BCOR: variants seen among roughly 807,000 people sequenced by gnomAD.
BCOR encodes BCL-6 corepressor.
Under a neutral mutation model 86.7 loss-of-function variants are expected in BCOR, and 10 were observed. The observed-to-expected ratio is 0.12, with a 90% CI of 0.07 to 0.20. The LOEUF is 0.20. BCOR is among the 10% of genes least tolerant of loss of function. BCOR has a pLI of 1.00. For synonymous variants in BCOR, 611 were observed against 609.0 expected (o/e 1.00, Z -0.05); for missense variants, 1,259 against 1,452.1 (o/e 0.87, Z 2.16).
intron 1 of BCOR, among the ~76,000 whole-genome samples, chrX:40,112,787 G>A (rs995543539): frequency 5.4e-5 from 6 of 111,247 alleles, no homozygotes; most frequent in Admixed American, 1.9e-4. Context: ...GCCTTGTAGC[G>A]GGTGCTAGGG....
At chrX:40,069,430 G>A (rs755381608) in intron 6 of BCOR, among the ~76,000 whole-genome samples, 12 of 112,008 alleles carry the variant, frequency 1.1e-4, no homozygotes, top group Admixed American at 1.9e-4. Context: ...ACATCATGTG[G>A]GGCTTGGGCC....
intron 1 of BCOR, among the ~76,000 whole-genome samples, chrX:40,172,405 T>TG (rs1218997768): frequency 2.0e-4 from 22 of 112,318 alleles, no homozygotes; most frequent in Non-Finnish European, 3.8e-4. Flanking sequence ...GCGCAGACCT[T>TG]GGGGGGAAAG....
rs958698142 is a variant in BCOR at position 40,074,627 on chromosome X, T to C, written c.719A>G (p.Asn240Ser). 8.3e-7 allele frequency: 1 copy of C among 1,211,965 alleles called. No individual in the cohort carries two copies. Among genetic ancestry groups the C allele is most frequent in the Non-Finnish European group, 1.1e-6 (1 of 895,503 alleles). Residue 240 changes from asparagine to serine, a missense_variant, in exon 4 of 15, where the codon AAT becomes AGT. Asn to Ser is a conservative substitution (Grantham distance 46). This residue lies in a region of BCOR where 6 missense variants were observed against 23.4 expected (regional missense o/e 0.26). Coordinates refer to ENST00000378444, the MANE Select transcript of BCOR (RefSeq NM_001123385.2). Reference sequence around the variant, plus strand: ...CGGCAGGTAGAGAAAGCGCTCCCCATTGGTGCAGACTGGAGAATACAGCGG... The same window carrying C: ...CGGCAGGTAGAGAAAGCGCTCCCCACTGGTGCAGACTGGAGAATACAGCGG... ...AQPLYSPVCT[N>S]GERFLYLPPP...
intron 1 of BCOR, among the ~76,000 whole-genome samples, chrX:40,086,635 C>T (rs1394959822): frequency 1.8e-5 from 2 of 113,887 alleles, no homozygotes; most frequent in Non-Finnish European, 3.7e-5. Flanking sequence ...CTCTGCAGCT[C>T]GTCCATGGGC....
upstream of BCOR, among the ~76,000 whole-genome samples, chrX:40,098,787 C>T (rs891621559): frequency 2.2e-4 from 25 of 111,903 alleles, no homozygotes; most frequent in Admixed American, 1.1e-3. Context: ...CCCCAGGCAA[C>T]GGTGGCCGTT....
chrX:40,174,384 G>A (rs181952685), intron 1 of BCOR, among the ~76,000 whole-genome samples: 8 of 112,038 alleles, frequency 7.1e-5, no homozygotes, highest in Non-Finnish European at 1.5e-4. Flanking sequence ...GAACAAACCC[G>A]CAGCCCTAAA....
intron 1 of BCOR, among the ~76,000 whole-genome samples, chrX:40,153,323 A>C (rs985621198): frequency 8.9e-6 from 1 of 112,610 alleles, no homozygotes; most frequent in Admixed American, 9.3e-5. Flanking sequence ...ACCCTCGCCC[A>C]AGGCCCGAGG....
In BCOR at chrX:40,074,811, G is replaced by C. The variant is rs921054345; in HGVS notation, c.535C>G (p.Leu179Val). The C allele has an allele frequency of 8.3e-7, 1 of 1,212,076 alleles. No individual in the cohort carries two copies. The highest frequency in any genetic ancestry group is 1.7e-5 in the African/African-American group (1 of 57,845). The change falls in exon 4 of 15, where the codon CTC becomes GTC. Residue 179 changes from leucine (L) to valine (V), a missense_variant. Physicochemically the swap from Leu to Val is conservative, Grantham distance 32. Around this residue, in one of 7 missense-constraint regions of BCOR, gnomAD observed 174 missense variants for 189.3 expected, o/e 0.92. Coordinates refer to ENST00000378444, the MANE Select transcript of BCOR (RefSeq NM_001123385.2). ...AGATAACTAGCACCATTGATGTTGA[G>C]AGGGCTCTGTTTGTCGCTGGCAGGC... Reference protein sequence around the residue: ...DRPASDKQSPLNINGASYLRL... With the variant: ...DRPASDKQSPVNINGASYLRL...
chrX:40,070,674 G>T (rs1935432494), intron 6 of BCOR, among the ~76,000 whole-genome samples: 1 of 111,820 alleles, frequency 8.9e-6, no homozygotes, highest in African/African-American at 3.3e-5. Flanking sequence ...GCAGGAGATG[G>T]CTGGGAAGTG....
chrX:40,055,763 G>A (rs1417877212), intron 11 of BCOR, among the ~76,000 whole-genome samples: 1 of 104,007 alleles, frequency 9.6e-6, no homozygotes, highest in African/African-American at 3.5e-5. Context: ...ACCCTTTACA[G>A]GGCAGATGAA....
chrX:40,090,175 T>C (rs1936536838), intron 1 of BCOR, among the ~76,000 whole-genome samples: 1 of 112,762 alleles, frequency 8.9e-6, no homozygotes, highest in Admixed American at 9.3e-5. Context: ...TTCCCGGCCC[T>C]GGACTGGTTA....
chrX:40,125,047 G>C (rs1937523786), intron 1 of BCOR, among the ~76,000 whole-genome samples: 1 of 109,544 alleles, frequency 9.1e-6, no homozygotes, highest in Non-Finnish European at 1.9e-5. Flanking sequence ...TTGGGGAGGA[G>C]GGCATAAAAG....
intron 1 of BCOR, among the ~76,000 whole-genome samples, chrX:40,147,943 G>C (rs1424639842): frequency 3.6e-5 from 4 of 111,908 alleles, no homozygotes; most frequent in African/African-American, 1.3e-4. Context: ...GGCCCCTCTG[G>C]TTTCCGCCCC....
chrX:40,123,968 C>T (rs1937517853), intron 1 of BCOR, among the ~76,000 whole-genome samples: 1 of 111,389 alleles, frequency 9.0e-6, no homozygotes, highest in Non-Finnish European at 1.9e-5. Context: ...GAGAAAGGGC[C>T]ACCATGTAAT....
At chrX:40,167,313 C>T (rs1006357880) in intron 1 of BCOR, among the ~76,000 whole-genome samples, 1 of 111,950 alleles carries the variant, frequency 8.9e-6, no homozygotes, top group Non-Finnish European at 1.9e-5. Context: ...ACAACCATGC[C>T]GAATTAAGGG....
intron 1 of BCOR, among the ~76,000 whole-genome samples, chrX:40,082,781 T>C (rs1024211099): frequency 2.7e-5 from 3 of 111,962 alleles, no homozygotes; most frequent in African/African-American, 9.8e-5. Context: ...GAGTTTTGCC[T>C]GGCAATAGCT....
intron 1 of BCOR, among the ~76,000 whole-genome samples, chrX:40,084,819 T>C (rs5963734): frequency 0.27 from 29,820 of 109,873 alleles, 6,472 homozygotes; most frequent in African/African-American, 0.73. Flanking sequence ...ATAAAAGATG[T>C]GTAAAATGCA....
chrX:40,154,407 C>T (rs763429647), intron 1 of BCOR, among the ~76,000 whole-genome samples: 3 of 112,488 alleles, frequency 2.7e-5, no homozygotes, highest in African/African-American at 9.7e-5. Context: ...GCCCAGGCTC[C>T]GCTCGCCGTC....
intron 1 of BCOR, among the ~76,000 whole-genome samples, chrX:40,095,970 G>C (rs1936845216): frequency 8.9e-6 from 1 of 112,551 alleles, no homozygotes; most frequent in African/African-American, 3.2e-5. Flanking sequence ...GACTTCGGCC[G>C]CCCTACTCCA....
Sources: gnomAD v4.1 joint callset for allele counts (sites outside exome capture counted in the v4.1 genomes callset) on GRCh38, gnomAD v4.1.1 for gene constraint, gnomAD v4.1.1 regional missense constraint, MANE v1.5 for transcripts, NCBI Gene and HGNC (gene_info 2026-07-23, HGNC 2026-07-21) for gene names.